ITPR2: variants seen among roughly 807,000 people sequenced by gnomAD.
ITPR2 encodes inositol 1,4,5-trisphosphate receptor type 2, also known as inositol 1,4,5-trisphosphate-gated calcium channel ITPR2.
ITPR2 carries 207 observed loss-of-function variants against 317.1 expected under a neutral mutation model. The observed-to-expected ratio is 0.65, with a 90% CI of 0.58 to 0.73. The LOEUF (loss-of-function observed/expected upper bound fraction) is 0.73. Ranked by LOEUF, ITPR2 falls within the 30% of genes least tolerant of loss-of-function variation. ITPR2 has a pLI of 0.00. For missense variants in ITPR2, 2,613 were observed against 3,284.0 expected, an observed-to-expected ratio of 0.80 and a Z score of 4.99; for synonymous variants, 1,156 against 1,149.1, an observed-to-expected ratio of 1.01 and a Z score of -0.12.
At chr12:26,438,054 G>C (rs1306657270) in intron 47 of ITPR2, among the ~76,000 whole-genome samples, 1 of 152,146 alleles carries the variant, frequency 6.6e-6, no homozygotes, top group East Asian at 1.9e-4. Context: ...GCCTGCCTCG[G>C]CCTCCCAAAG....
intron 52 of ITPR2, among the ~76,000 whole-genome samples, chr12:26,402,337 C>T (rs1049459032): frequency 3.3e-5 from 5 of 152,188 alleles, no homozygotes; most frequent in Admixed American, 6.5e-5. Flanking sequence ...GTCTATCTAG[C>T]GTCACGATCT....
At chr12:26,685,350 T>G (rs944469803) in intron 11 of ITPR2, among the ~76,000 whole-genome samples, 2 of 152,176 alleles carry the variant, frequency 1.3e-5, no homozygotes, top group Admixed American at 1.3e-4. Flanking sequence ...AATCTCGGCA[T>G]TTTGAGAAGC....
chr12:26,474,788 C>T (rs1356166295), intron 45 of ITPR2, among the ~76,000 whole-genome samples: 2 of 86,536 alleles, frequency 2.3e-5, no homozygotes, highest in African/African-American at 3.9e-5. Context: ...AGCGAGACTC[C>T]GTCTCAAAAA....
intron 21 of ITPR2, among the ~76,000 whole-genome samples, chr12:26,634,744 G>T (rs1946828685): frequency 6.6e-6 from 1 of 151,838 alleles, no homozygotes; most frequent in Non-Finnish European, 1.5e-5. Flanking sequence ...AACTAGCCGG[G>T]CGTGCTTGTG....
chr12:26,810,948 G>C (rs1253529562), intron 1 of ITPR2, among the ~76,000 whole-genome samples: 1 of 148,742 alleles, frequency 6.7e-6, no homozygotes, highest in Non-Finnish European at 1.5e-5. Flanking sequence ...TTACAGGCAT[G>C]AGCCACCACA....
At chr12:26,462,297 G>T (rs560924607) in intron 45 of ITPR2, among the ~76,000 whole-genome samples, 21 of 152,184 alleles carry the variant, frequency 1.4e-4, no homozygotes, top group African/African-American at 5.1e-4. Context: ...TTCCTGAGTA[G>T]CTGGGACTAC....
chr12:26,724,581 G>T (rs1271617313), intron 4 of ITPR2, 75 bp downstream of exon 4: 4 of 836,252 alleles, frequency 4.8e-6, no homozygotes, highest in Non-Finnish European at 6.0e-6. Context: ...AAATTTTAAC[G>T]CAGTTTGGCT....
At chr12:26,415,216 T>C in intron 51 of ITPR2, 87 bp downstream of exon 51, 1 of 845,694 alleles carries the variant, frequency 1.2e-6, no homozygotes, top group Non-Finnish European at 1.9e-6. Context: ...ATTTCCTCTA[T>C]TCGTGTTTAT....
intron 2 of ITPR2, among the ~76,000 whole-genome samples, chr12:26,775,959 T>TATATATATATATATATATACACACATA (rs1263788006): frequency 4.1e-5 from 6 of 145,168 alleles, no homozygotes; most frequent in Non-Finnish European, 9.2e-5. Context: ...TATATGTATA[T>TATATATATATATATATATACACACATA]CCTATTAGTT....
At chr12:26,705,361 A>C (rs973089674) in intron 9 of ITPR2, among the ~76,000 whole-genome samples, 1 of 152,042 alleles carries the variant, frequency 6.6e-6, no homozygotes, top group Non-Finnish European at 1.5e-5. Flanking sequence ...TCCTTTGCGA[A>C]GTTCTCTCCT....
intron 37 of ITPR2, among the ~76,000 whole-genome samples, chr12:26,495,875 T>C (rs1218835599): frequency 6.6e-6 from 1 of 152,154 alleles, no homozygotes; most frequent in East Asian, 1.9e-4. Context: ...AAATTAACCT[T>C]GATAAAACAG....
chr12:26,539,840 A>G (rs1235428785), intron 37 of ITPR2, among the ~76,000 whole-genome samples: 2 of 152,256 alleles, frequency 1.3e-5, no homozygotes, highest in Admixed American at 1.3e-4. Context: ...TATGCAAAGT[A>G]TAACATGACA....
chr12:26,396,791 T>A (rs1346691972), intron 54 of ITPR2, among the ~76,000 whole-genome samples: 3 of 152,222 alleles, frequency 2.0e-5, no homozygotes, highest in Admixed American at 2.0e-4. Context: ...AAAGTTAAAC[T>A]CAGCATATTC....
At chr12:26,611,527 G>A (rs750840620) in intron 26 of ITPR2, among the ~76,000 whole-genome samples, 4 of 151,986 alleles carry the variant, frequency 2.6e-5, no homozygotes, top group Non-Finnish European at 5.9e-5. Flanking sequence ...AAGGGCCACC[G>A]TACTCCAGCT....
At chr12:26,513,118 G>A (rs1340505898) in intron 37 of ITPR2, among the ~76,000 whole-genome samples, 3 of 152,032 alleles carry the variant, frequency 2.0e-5, no homozygotes, top group Non-Finnish European at 2.9e-5. Context: ...TGGGATTACC[G>A]GTGTGAGCCA....
At chr12:26,343,988 G>A (rs1330519569) in intron 55 of ITPR2, among the ~76,000 whole-genome samples, 2 of 152,160 alleles carry the variant, frequency 1.3e-5, no homozygotes, top group Non-Finnish European at 2.9e-5. Context: ...CGACCTTTAA[G>A]ATGTGATTAG....
intron 1 of ITPR2, among the ~76,000 whole-genome samples, chr12:26,819,555 C>A (rs1420114715): frequency 6.6e-6 from 1 of 152,092 alleles, no homozygotes; most frequent in East Asian, 1.9e-4. Flanking sequence ...TCAGCAAATT[C>A]TTTTTAAATA....
intron 1 of ITPR2, among the ~76,000 whole-genome samples, chr12:26,830,552 C>T (rs1951084671): frequency 6.6e-6 from 1 of 152,220 alleles, no homozygotes; most frequent in Admixed American, 6.5e-5. Context: ...TTAGTCACTT[C>T]ATTTCTCTTA....
intron 54 of ITPR2, among the ~76,000 whole-genome samples, chr12:26,392,497 T>G (rs1055067189): frequency 1.3e-5 from 2 of 152,206 alleles, no homozygotes; most frequent in African/African-American, 4.8e-5. Flanking sequence ...CACTTCACTA[T>G]GAAAATGTGC....
Sources: allele counts gnomAD v4.1 joint callset (sites outside exome capture counted in the v4.1 genomes callset), GRCh38; gene constraint gnomAD v4.1.1; transcripts MANE v1.5; gene names NCBI Gene and HGNC (gene_info 2026-07-23, HGNC 2026-07-21).